The following EPHA7 variants were observed in gnomAD, a reference collection of about 807,000 sequenced individuals.
The protein encoded by EPHA7 is EPH receptor A7, also known as ephrin type-A receptor 7.
Under a neutral mutation model 112.6 loss-of-function variants are expected in EPHA7, and 25 were observed. The ratio of observed to expected loss-of-function variants is 0.22; its 90% CI spans 0.16 to 0.31. The LOEUF is 0.31. Among genes scored for constraint, EPHA7 ranks in the 10% least tolerant of loss-of-function variants. EPHA7 has a pLI of 1.00. For synonymous variants in EPHA7, 437 were observed against 406.5 expected (o/e 1.07, Z -0.90); for missense variants, 962 against 1,212.6 (o/e 0.79, Z 3.07).
At chr6:93,329,808 C>T (rs925813998) in intron 5 of EPHA7, among the ~76,000 whole-genome samples, 1 of 151,090 alleles carries the variant, frequency 6.6e-6, no homozygotes, top group Non-Finnish European at 1.5e-5. Flanking sequence ...AAGACTCTTG[C>T]TTCACAGCCC....
chr6:93,249,045 A>G (rs1770088980), intron 14 of EPHA7, among the ~76,000 whole-genome samples: 1 of 152,190 alleles, frequency 6.6e-6, no homozygotes, highest in Non-Finnish European at 1.5e-5. Context: ...TATTTTGAAC[A>G]ACAATTATGG....
At chr6:93,281,560 T>C (rs770050326) in intron 5 of EPHA7, among the ~76,000 whole-genome samples, 4 of 152,132 alleles carry the variant, frequency 2.6e-5, no homozygotes, top group East Asian at 1.9e-4. Context: ...AACCTTTAAG[T>C]AGAATATGTG....
chr6:93,419,403 G>C lies in EPHA7; in HGVS notation c.-62C>G. On this transcript the variant is annotated 5_prime_UTR_variant, in exon 1 of 17. Coordinates refer to ENST00000369303, the MANE Select transcript of EPHA7 (RefSeq NM_004440.4). ...CTTGAGTCGTGGATTTTTAAATGCT[G>C]TTTGTTCCGAAGTAGCTTTTGTTTT... 7.2e-7 allele frequency: 1 copy of C among 1,388,448 alleles called. No homozygotes were observed. Among genetic ancestry groups the C allele is most frequent in the Non-Finnish European group, 1.0e-6 (1 of 982,766 alleles). 86.0% of individuals were successfully genotyped at this position (1,388,448 alleles called of 1,614,324 possible).
intron 5 of EPHA7, among the ~76,000 whole-genome samples, chr6:93,351,109 G>C (rs1304855067): frequency 3.3e-5 from 5 of 152,030 alleles, no homozygotes; most frequent in Admixed American, 2.0e-4. Flanking sequence ...CAGAAAACAG[G>C]CCTCAGTTCC....
rs1161034351 is a variant in EPHA7 at position 93,358,525 on chromosome 6, C to T, written c.833-114G>A. The stretch of plus-strand genomic sequence containing the variant: ...TTAAATGTGATGTATGTAAAACAAG[C>T]TCTTGATGATAAAATATTCATTTTA... On this transcript the variant is annotated intron_variant, in intron 3 of 16. Coordinates refer to ENST00000369303, the MANE Select transcript of EPHA7 (RefSeq NM_004440.4). The T allele has an allele frequency of 9.7e-6, 8 of 821,216 alleles. No homozygotes were observed. In the East Asian group the frequency reaches 2.0e-4, roughly 21 times the overall value. 50.9% of individuals were successfully genotyped at this position (821,216 alleles called of 1,614,324 possible). A position where few individuals can be genotyped will look rare whatever the true frequency, so the allele number is the denominator to read the frequency against.
chr6:93,388,088 A>T (rs938805377), intron 3 of EPHA7, among the ~76,000 whole-genome samples: 2 of 152,142 alleles, frequency 1.3e-5, no homozygotes, highest in African/African-American at 4.8e-5. Context: ...ACAAAAGATG[A>T]CCCACATGAA....
chr6:93,357,189 C>T lies in EPHA7; in HGVS notation c.989-137G>A. 4 of 657,044 alleles carry T rather than the reference C, an allele frequency of 6.1e-6. No individual in the cohort carries two copies. The South Asian group carries it at 6.4e-5, about 11-fold the overall frequency. 40.7% of individuals were successfully genotyped at this position (657,044 alleles called of 1,614,324 possible). A position where few individuals can be genotyped will look rare whatever the true frequency, so the allele number is the denominator to read the frequency against. On this transcript the variant is annotated intron_variant, in intron 4 of 16. Transcript: ENST00000369303. ...AAGAGAAAACGAGTTGAAATGCTTT[C>T]TTTCACATAAACATTTCATTACCTT...
chr6:93,394,856 T>C (rs866731256), intron 3 of EPHA7, among the ~76,000 whole-genome samples: 1 of 151,852 alleles, frequency 6.6e-6, no homozygotes, highest in Non-Finnish European at 1.5e-5. Flanking sequence ...TTAACCTATC[T>C]TTTCCCCAAA....
chr6:93,262,990 C>A (rs1054073200), intron 9 of EPHA7, among the ~76,000 whole-genome samples: 1 of 151,054 alleles, frequency 6.6e-6, no homozygotes, highest in Non-Finnish European at 1.5e-5. Context: ...ACAATTCTTA[C>A]ATCTTATGTC....
intron 5 of EPHA7, among the ~76,000 whole-genome samples, chr6:93,336,329 G>A (rs531508920): frequency 6.6e-6 from 1 of 152,212 alleles, no homozygotes; most frequent in Admixed American, 6.5e-5. Context: ...CAAATTGCTT[G>A]GATTTCATGT....
chr6:93,322,114 A>G (rs1774103086), intron 5 of EPHA7, among the ~76,000 whole-genome samples: 1 of 151,842 alleles, frequency 6.6e-6, no homozygotes, highest in Non-Finnish European at 1.5e-5. Context: ...TTCACACTGT[A>G]CAGATGCATA....
chr6:93,333,646 A>G (rs995547848), intron 5 of EPHA7, among the ~76,000 whole-genome samples: 1 of 151,712 alleles, frequency 6.6e-6, no homozygotes, highest in Non-Finnish European at 1.5e-5. Context: ...GCATTTTTTT[A>G]TGTATTTGCT....
At position 93,240,041 on chromosome 6, in the gene EPHA7, G is replaced by A. The variant is rs1217366797; in HGVS notation, c.*3385C>T. 9.3e-6 allele frequency: 2 copies of A among 214,374 alleles called. No homozygotes were observed. The highest frequency in any genetic ancestry group is 1.9e-5 in the Non-Finnish European group (2 of 106,066). 13.3% of individuals were successfully genotyped at this position (214,374 alleles called of 1,614,324 possible). A position where few individuals can be genotyped will look rare whatever the true frequency, so the allele number is the denominator to read the frequency against. On this transcript the variant is annotated 3_prime_UTR_variant, in exon 17 of 17. Transcript: ENST00000369303. ...AGGATTTTCTTTACATTGTCTAATA[G>A]ACTTGTTTATTATTTTAAGCTGGTA... is the stretch of plus-strand genomic sequence containing the variant.
chr6:93,389,828 G>C (rs1198004337), intron 3 of EPHA7, among the ~76,000 whole-genome samples: 1 of 151,798 alleles, frequency 6.6e-6, no homozygotes, highest in Non-Finnish European at 1.5e-5. Context: ...TGGGACTAGA[G>C]AAAGAAAAAA....
intron 3 of EPHA7, among the ~76,000 whole-genome samples, chr6:93,379,397 T>C (rs1379342740): frequency 2.0e-5 from 3 of 152,116 alleles, no homozygotes; most frequent in African/African-American, 7.2e-5. Flanking sequence ...TTATGAAATA[T>C]GAATATTTGA....
chr6:93,400,233 T>C (rs771716682), intron 3 of EPHA7, among the ~76,000 whole-genome samples: 16 of 152,120 alleles, frequency 1.1e-4, no homozygotes, highest in Non-Finnish European at 2.1e-4. Context: ...TAGGTTAATG[T>C]CATTAAGTAA....
At chr6:93,365,657 G>A (rs1042903835) in intron 3 of EPHA7, among the ~76,000 whole-genome samples, 8 of 152,252 alleles carry the variant, frequency 5.3e-5, no homozygotes, top group African/African-American at 1.9e-4. Context: ...AATGAACAGC[G>A]AGCAGGGAGG....
intron 5 of EPHA7, among the ~76,000 whole-genome samples, chr6:93,302,678 C>T (rs865804482): frequency 8.5e-5 from 13 of 152,184 alleles, no homozygotes; most frequent in Middle Eastern, 3.4e-3. Flanking sequence ...GTTGTTTATA[C>T]AGATGTTAGA....
At chr6:93,291,034 T>C (rs1048937244) in intron 5 of EPHA7, among the ~76,000 whole-genome samples, 1 of 152,226 alleles carries the variant, frequency 6.6e-6, no homozygotes, top group African/African-American at 2.4e-5. Flanking sequence ...TGCAAATCAC[T>C]GACCAAGAAA....
Sources: gnomAD v4.1 joint callset for allele counts (sites outside exome capture counted in the v4.1 genomes callset) on GRCh38, gnomAD v4.1.1 for gene constraint, MANE v1.5 for transcripts, NCBI Gene and HGNC (gene_info 2026-07-23, HGNC 2026-07-21) for gene names.